The following ZIM2 variants were observed in gnomAD, a reference collection of about 807,000 sequenced individuals.
ZIM2 encodes zinc finger protein 656.
ZIM2 carries 14 observed loss-of-function variants against 38.6 expected under a neutral mutation model. The observed-to-expected ratio is 0.36, with a 90% CI of 0.24 to 0.57. The LOEUF is 0.57. Among genes scored for constraint, ZIM2 ranks in the 20% least tolerant of loss-of-function variants. ZIM2 has a pLI of 0.81. For synonymous variants in ZIM2, 247 were observed against 245.8 expected (o/e 1.00, Z -0.04); for missense variants, 680 against 695.1 (o/e 0.98, Z 0.24).
intron 2 of ZIM2, chr19:56,833,401 C>T (rs1371993951): frequency 2.9e-6 from 1 of 343,562 alleles, no homozygotes; most frequent in Non-Finnish European, 5.7e-6. Flanking sequence ...TTCTTGTTTG[C>T]TCCATTCTCC....
chr19:56,839,020 G>T (rs887324195), intron 1 of ZIM2, among the ~76,000 whole-genome samples: 1 of 149,984 alleles, frequency 6.7e-6, no homozygotes, highest in Non-Finnish European at 1.5e-5. Flanking sequence ...ACGCCTGCGC[G>T]GCAAACCTCA....
At chr19:56,835,012 C>T (rs2061946702) in intron 2 of ZIM2, among the ~76,000 whole-genome samples, 1 of 152,142 alleles carries the variant, frequency 6.6e-6, no homozygotes, top group Non-Finnish European at 1.5e-5. Flanking sequence ...ACTGTGCCTC[C>T]TCTGAATCAG....
chr19:56,816,605 C>A, intron 9 of ZIM2: 1 of 1,613,910 alleles, frequency 6.2e-7, no homozygotes, highest in South Asian at 1.1e-5. Context: ...TCATTAAGGG[C>A]TGGGCTGGGC....
chr19:56,831,796 G>T, intron 2 of ZIM2, among the ~76,000 whole-genome samples: 1 of 152,124 alleles, frequency 6.6e-6, no homozygotes, highest in East Asian at 1.9e-4. Flanking sequence ...CACACCCACT[G>T]GTTAACTTTG....
chr19:56,837,042 T>C lies in ZIM2; in HGVS notation c.-313-938A>G, dbSNP rs948590193. On this transcript the variant is annotated intron_variant, in intron 1 of 12. Transcript: ENST00000629319. ...GGAAGGAAGCGTCATATGTGTCACTTTCCCTACCTCAAACAAAACAAAAGG... is the reference window on the plus strand; with the variant it reads ...GGAAGGAAGCGTCATATGTGTCACTCTCCCTACCTCAAACAAAACAAAAGG... Among the ~76,000 whole-genome samples, 14 of 150,948 alleles carry C rather than the reference T, an allele frequency of 9.3e-5. No homozygotes were observed. In the East Asian group the frequency reaches 1.4e-3, roughly 15 times the overall value.
At chr19:56,836,893 C>T (rs2062174330) in intron 1 of ZIM2, among the ~76,000 whole-genome samples, 1 of 147,032 alleles carries the variant, frequency 6.8e-6, no homozygotes, top group Non-Finnish European at 1.5e-5. Flanking sequence ...TCACTTGAAC[C>T]CGGGAGGCAG....
chr19:56,779,032 G>A (rs2046176368), intron 12 of ZIM2, among the ~76,000 whole-genome samples: 1 of 152,130 alleles, frequency 6.6e-6, no homozygotes. Context: ...TGATGTGAGG[G>A]AAAGTGGGAG....
intron 11 of ZIM2, among the ~76,000 whole-genome samples, 168 bp downstream of exon 11, chr19:56,781,785 G>A (rs1393376035): frequency 6.6e-6 from 1 of 152,150 alleles, no homozygotes; most frequent in Non-Finnish European, 1.5e-5. Context: ...TGTTAGCTAT[G>A]TTATAATTAA....
intron 2 of ZIM2, among the ~76,000 whole-genome samples, chr19:56,830,919 T>G (rs1008636208): frequency 2.7e-5 from 4 of 150,602 alleles, no homozygotes; most frequent in Non-Finnish European, 5.9e-5. Context: ...AGAACTAGAC[T>G]GAATCACCAA....
Position 56,774,631 on chromosome 19 carries a change from C to A in ZIM2, c.*57G>T. On this transcript the variant is annotated 3_prime_UTR_variant, in exon 13 of 13. Transcript: ENST00000629319. ...GTGAAAGGCCTTCTCACACTCACAA[C>A]ACTCTAGGAGGAAGCCAATAATGTT... 1 of 1,560,904 alleles carries A rather than the reference C, an allele frequency of 6.4e-7. No individual in the cohort carries two copies.
Position 56,836,255 on chromosome 19 carries a change from G to A in ZIM2, c.-313-151C>T, listed in dbSNP as rs114361386. Among the ~76,000 whole-genome samples, 378 of 152,220 alleles carry A rather than the reference G, an allele frequency of 2.5e-3. 1 individual carries two copies. The highest frequency in any genetic ancestry group is 8.7e-3 in the African/African-American group (360 of 41,560). On this transcript the variant is annotated intron_variant, in intron 1 of 12. Transcript: ENST00000629319. ...GAAAAGCATCCCATCCAGGATGAAT[G>A]GCCACGGGTATAGCTCCCTTAGACC...
intron 1 of ZIM2, 125 bp downstream of exon 1, chr19:56,840,457 A>G (rs1261154304): frequency 6.6e-6 from 1 of 152,232 alleles, no homozygotes; most frequent in Non-Finnish European, 1.5e-5. Flanking sequence ...CCGCCCTGCC[A>G]CAAGGGTCGC....
intron 7 of ZIM2, among the ~76,000 whole-genome samples, chr19:56,821,265 G>A (rs771827890): frequency 1.7e-4 from 26 of 152,210 alleles, no homozygotes; most frequent in Admixed American, 3.3e-4. Context: ...CCCAGCTCCT[G>A]TCAGCTCCAG....
intron 9 of ZIM2, chr19:56,810,241 T>G (rs1221483920): frequency 1.0e-6 from 1 of 983,438 alleles, no homozygotes; most frequent in East Asian, 1.1e-4. Context: ...GAGTTTCTCT[T>G]CTACATTTCT....
rs2060115136 is a variant in ZIM2, at chr19:56,817,760, G to C, written c.476C>G (p.Pro159Arg). 2.5e-6 allele frequency: 4 copies of C among 1,613,810 alleles called. No homozygotes were observed. In the South Asian group the frequency reaches 4.4e-5, roughly 18 times the overall value. ...CTCCTGCTTACCTCGACTGGTGCTTGGGTAGGCACTTCTCTTGGATCTTGA... is the reference window on the plus strand; with the variant it reads ...CTCCTGCTTACCTCGACTGGTGCTTCGGTAGGCACTTCTCTTGGATCTTGA... ...HSSRSKRSAY[P>R]STSRGFLAQD... The change falls in exon 9 of 13, where the codon CCA becomes CGA. Residue 159 changes from proline to arginine, a missense_variant. Transcript: ENST00000629319.
At chr19:56,796,274 G>C (rs757272417) in intron 9 of ZIM2, among the ~76,000 whole-genome samples, 4 of 152,176 alleles carry the variant, frequency 2.6e-5, no homozygotes, top group Non-Finnish European at 5.9e-5. Context: ...ATCATCTCTA[G>C]ATTACTTACA....
At chr19:56,800,837 T>C (rs2047485426) in intron 9 of ZIM2, among the ~76,000 whole-genome samples, 1 of 152,116 alleles carries the variant, frequency 6.6e-6, no homozygotes, top group African/African-American at 2.4e-5. Flanking sequence ...AGGAATTTTG[T>C]ATATGATTAA....
chr19:56,775,639 G>A, intron 12 of ZIM2, 110 bp from the exon 13 acceptor site: 1 of 1,470,028 alleles, frequency 6.8e-7, no homozygotes, highest in African/African-American at 1.4e-5. Flanking sequence ...TTTGGTTTCA[G>A]GTCTCTTTTC....
At chr19:56,828,649 G>A (rs1359840086) in intron 2 of ZIM2, among the ~76,000 whole-genome samples, 5 of 152,064 alleles carry the variant, frequency 3.3e-5, no homozygotes, top group Admixed American at 6.6e-5. Flanking sequence ...AAAAGGGAGG[G>A]GGAAAAGTAT....
Sources: gnomAD v4.1 joint callset for allele counts (sites outside exome capture counted in the v4.1 genomes callset) on GRCh38, gnomAD v4.1.1 for gene constraint, MANE v1.5 for transcripts, NCBI Gene and HGNC (gene_info 2026-07-23, HGNC 2026-07-21) for gene names.